The following STIM1 variants were observed in gnomAD, a reference collection of about 807,000 sequenced individuals.
STIM1 encodes stromal interaction molecule 1.
In STIM1, 25 loss-of-function variants were observed where a neutral mutation model predicts 74.7. The observed-to-expected ratio is 0.33, with a 90% CI of 0.24 to 0.47. The LOEUF is 0.47. Among genes scored for constraint, STIM1 ranks in the 20% least tolerant of loss-of-function variants. The pLI is 1.00. For missense variants in STIM1, 728 were observed against 920.8 expected (o/e 0.79, Z 2.71); for synonymous variants, 328 against 348.8 (o/e 0.94, Z 0.66).
intron 1 of STIM1, among the ~76,000 whole-genome samples, chr11:3,924,142 T>C (rs1341503852): frequency 6.6e-6 from 1 of 151,828 alleles, no homozygotes; most frequent in East Asian, 1.9e-4. Context: ...AAATTATTTT[T>C]TTTTTTCTGT....
intron 1 of STIM1, among the ~76,000 whole-genome samples, chr11:3,953,384 G>C (rs2093172020): frequency 6.6e-6 from 1 of 152,278 alleles, no homozygotes; most frequent in African/African-American, 2.4e-5. Context: ...GTCATTAATA[G>C]ACAAAAAACC....
At chr11:4,085,481 AC>A (rs1348918612) in intron 11 of STIM1, among the ~76,000 whole-genome samples, 36 of 152,126 alleles carry the variant, frequency 2.4e-4, no homozygotes, top group Non-Finnish European at 7.4e-5. Flanking sequence ...TATCTCCAGG[AC>A]CCCGATTTGC....
chr11:4,017,417 G>A (rs939401271), intron 2 of STIM1, among the ~76,000 whole-genome samples: 1 of 152,190 alleles, frequency 6.6e-6, no homozygotes, highest in Admixed American at 6.5e-5. Context: ...GGGTCTGTAT[G>A]TGAGTCCCTA....
chr11:3,919,407 C>G (rs75368767), intron 1 of STIM1, among the ~76,000 whole-genome samples: 81,523 of 151,778 alleles, frequency 0.54, 23,341 homozygotes, highest in African/African-American at 0.76. Context: ...GTTTCACCAT[C>G]TTGGCCAGGC....
intron 12 of STIM1, chr11:4,088,748 T>C (rs955589409): frequency 9.1e-6 from 14 of 1,535,590 alleles, no homozygotes. Flanking sequence ...GGTCAGTAGC[T>C]TGGGATGGGA....
chr11:3,876,066 A>C (rs2091298503), intron 1 of STIM1, among the ~76,000 whole-genome samples: 1 of 152,180 alleles, frequency 6.6e-6, no homozygotes, highest in Admixed American at 6.5e-5. Flanking sequence ...TGGTGAAACT[A>C]AGCTTTCTGG....
chr11:3,874,014 G>C (rs1490937018), intron 1 of STIM1, among the ~76,000 whole-genome samples: 1 of 152,184 alleles, frequency 6.6e-6, no homozygotes, highest in African/African-American at 2.4e-5. Context: ...CTTGCACTAG[G>C]TCCTGCTCCG....
intron 6 of STIM1, 92 bp downstream of exon 6, chr11:4,070,295 C>T: frequency 6.8e-7 from 1 of 1,460,614 alleles, no homozygotes; most frequent in Admixed American, 1.8e-5. Context: ...GCCCCTGAGA[C>T]CTTGTCAGCA....
At chr11:4,049,775 G>T (rs933027038) in intron 3 of STIM1, among the ~76,000 whole-genome samples, 19 of 149,218 alleles carry the variant, frequency 1.3e-4, no homozygotes, top group African/African-American at 4.7e-4. Flanking sequence ...TGCTTAGAAC[G>T]TGAATGATGG....
chr11:3,999,361 C>T (rs1459047162), intron 2 of STIM1, among the ~76,000 whole-genome samples: 1 of 152,162 alleles, frequency 6.6e-6, no homozygotes, highest in Non-Finnish European at 1.5e-5. Context: ...CTGGATTTGG[C>T]TTATGGCCAT....
chr11:3,956,429 G>A (rs930217641), intron 1 of STIM1, among the ~76,000 whole-genome samples: 2 of 152,128 alleles, frequency 1.3e-5, no homozygotes, highest in African/African-American at 4.8e-5. Flanking sequence ...TTTAGAATTG[G>A]AACTTAACTA....
intron 6 of STIM1, among the ~76,000 whole-genome samples, chr11:4,073,666 C>T (rs571076529): frequency 1.3e-5 from 2 of 152,170 alleles, no homozygotes; most frequent in South Asian, 2.1e-4. Flanking sequence ...AGTGAAGAAG[C>T]GGGAAGGCTT....
intron 2 of STIM1, among the ~76,000 whole-genome samples, chr11:4,006,437 C>T (rs73429638): frequency 0.026 from 3,933 of 152,188 alleles, 153 homozygotes; most frequent in African/African-American, 0.085. Context: ...TTTTCTTTGG[C>T]GGAGTCTCAT....
intron 2 of STIM1, among the ~76,000 whole-genome samples, chr11:4,000,026 T>TG (rs1002211848): frequency 6.6e-6 from 1 of 151,892 alleles, no homozygotes; most frequent in African/African-American, 2.4e-5. Context: ...GCAGCGAGGC[T>TG]GGGGGAGGGG....
At chr11:3,888,937 A>G (rs942240164) in intron 1 of STIM1, among the ~76,000 whole-genome samples, 1 of 151,626 alleles carries the variant, frequency 6.6e-6, no homozygotes, top group Non-Finnish European at 1.5e-5. Context: ...AGGCTTTACT[A>G]TGGGGGTGGA....
At chr11:3,951,701 C>G (rs2093150296) in intron 1 of STIM1, among the ~76,000 whole-genome samples, 1 of 152,100 alleles carries the variant, frequency 6.6e-6, no homozygotes, top group African/African-American at 2.4e-5. Flanking sequence ...TTGGACATGC[C>G]CCCTAGGTGT....
At chr11:3,911,820 C>G (rs1172587195) in intron 1 of STIM1, among the ~76,000 whole-genome samples, 1 of 152,186 alleles carries the variant, frequency 6.6e-6, no homozygotes, top group Admixed American at 6.5e-5. Flanking sequence ...CTTTATATGT[C>G]TCAGTTATCT....
intron 2 of STIM1, among the ~76,000 whole-genome samples, chr11:3,998,440 A>G (rs541532584): frequency 2.0e-5 from 3 of 152,308 alleles, no homozygotes; most frequent in Non-Finnish European, 4.4e-5. Flanking sequence ...TGTCTTGACT[A>G]GCTATTGTAA....
chr11:3,895,610 CTTTCTTTCTT>C (rs1315862996), intron 1 of STIM1, among the ~76,000 whole-genome samples: 1,447 of 39,844 alleles, frequency 0.036, 81 homozygotes, highest in South Asian at 0.075. Context: ...CTTTCTCTCT[CTTTCTTTCTT>C]TCTTTCTTTC....
Sources: allele counts gnomAD v4.1 joint callset (sites outside exome capture counted in the v4.1 genomes callset), GRCh38; gene constraint gnomAD v4.1.1; transcripts MANE v1.5; gene names NCBI Gene and HGNC (gene_info 2026-07-23, HGNC 2026-07-21).